The following NTM variants were observed in gnomAD, a reference collection of about 807,000 sequenced individuals.
NTM encodes the protein neurotrimin, also known as IgLON family member 2.
In NTM, 13 loss-of-function variants were observed where a neutral mutation model predicts 42.1. The observed-to-expected ratio is 0.31, with a 90% CI of 0.20 to 0.49. The LOEUF is 0.49. Ranked by LOEUF, NTM falls within the 20% of genes least tolerant of loss-of-function variation. NTM has a pLI of 0.99. For synonymous variants in NTM, 187 were observed against 179.2 expected (o/e 1.04, Z -0.35); for missense variants, 373 against 452.8 (o/e 0.82, Z 1.60).
chr11:132,218,899 G>A (rs2084507976), intron 4 of NTM, among the ~76,000 whole-genome samples: 2 of 152,132 alleles, frequency 1.3e-5, no homozygotes, highest in Admixed American at 1.3e-4. Context: ...TTGAAGGCAG[G>A]TCCAAGGGGA....
intron 2 of NTM, among the ~76,000 whole-genome samples, chr11:132,020,756 C>T (rs1226028209): frequency 1.3e-5 from 2 of 152,110 alleles, no homozygotes; most frequent in African/African-American, 4.8e-5. Context: ...TCACAGCCAT[C>T]TTAAACTTCT....
chr11:132,073,397 G>A (rs2057959771), intron 2 of NTM, among the ~76,000 whole-genome samples: 1 of 152,172 alleles, frequency 6.6e-6, no homozygotes, highest in East Asian at 1.9e-4. Flanking sequence ...TGGTGTAAAT[G>A]TCCCCAGCAG....
chr11:131,781,634 C>A (rs1187744570), intron 1 of NTM, among the ~76,000 whole-genome samples: 1 of 152,264 alleles, frequency 6.6e-6, no homozygotes, highest in East Asian at 1.9e-4. Context: ...AATTTTGCTT[C>A]TGGCAATGAG....
intron 1 of NTM, among the ~76,000 whole-genome samples, chr11:131,722,290 C>T (rs1404952801): frequency 6.6e-6 from 1 of 152,170 alleles, no homozygotes; most frequent in Admixed American, 6.5e-5. Context: ...GACTATTCTG[C>T]ATCTCTAGTC....
At chr11:131,462,603 C>T (rs1951490741) in intron 1 of NTM, among the ~76,000 whole-genome samples, 1 of 152,204 alleles carries the variant, frequency 6.6e-6, no homozygotes, top group Admixed American at 6.5e-5. Flanking sequence ...TTCCCTCTTC[C>T]TTGGTTGAGA....
intron 2 of NTM, among the ~76,000 whole-genome samples, chr11:132,053,282 C>T (rs935795480): frequency 6.6e-6 from 1 of 152,174 alleles, no homozygotes; most frequent in Non-Finnish European, 1.5e-5. Context: ...GAGGCTTACC[C>T]GATGCCAGGG....
intron 2 of NTM, among the ~76,000 whole-genome samples, chr11:132,109,303 T>C (rs894767506): frequency 1.3e-5 from 2 of 152,182 alleles, no homozygotes; most frequent in African/African-American, 4.8e-5. Context: ...AATGAACTAA[T>C]TTACACTCCC....
chr11:132,194,814 C>CTT lies in NTM; in HGVS notation c.401-17185_401-17184dup, dbSNP rs902871492. ...GTACACAAATCAGTAGCATTTCTTC[C>CTT]TTTTTTTTTTTTTTTTTTTTTTTTC... is the stretch of plus-strand genomic sequence containing the variant. On this transcript the variant is annotated intron_variant, in intron 3 of 8. Coordinates refer to ENST00000683400, the MANE Select transcript of NTM (RefSeq NM_001352005.2). Among the ~76,000 whole-genome samples the CTT allele has an allele frequency of 2.5e-3, 273 of 110,640 alleles. 4 individuals carry two copies. The highest frequency in any genetic ancestry group is 6.1e-3 in the Middle Eastern group (1 of 164). 72.6% of individuals were successfully genotyped at this position (110,640 alleles called of 152,430 possible).
intron 1 of NTM, among the ~76,000 whole-genome samples, chr11:131,744,751 T>A (rs60542855): frequency 0.029 from 4,477 of 152,252 alleles, 214 homozygotes; most frequent in African/African-American, 0.1. Context: ...CCCAGTTTAT[T>A]CAGGATGCAG....
At chr11:131,483,856 C>T (rs530950738) in intron 1 of NTM, among the ~76,000 whole-genome samples, 1 of 152,252 alleles carries the variant, frequency 6.6e-6, no homozygotes, top group African/African-American at 2.4e-5. Context: ...AGAGGCAGGA[C>T]AAGGAAGACT....
intron 1 of NTM, among the ~76,000 whole-genome samples, chr11:131,859,708 A>G (rs1447784968): frequency 1.3e-5 from 2 of 152,182 alleles, no homozygotes; most frequent in Non-Finnish European, 2.9e-5. Context: ...CCCATGGTGA[A>G]TGCTAGCTGA....
intron 1 of NTM, among the ~76,000 whole-genome samples, chr11:131,593,186 G>A (rs543338310): frequency 6.6e-6 from 1 of 152,106 alleles, no homozygotes; most frequent in African/African-American, 2.4e-5. Context: ...CCCTCCTGCA[G>A]CCCCCACCCA....
intron 1 of NTM, chr11:131,767,123 T>C: frequency 1.0e-6 from 1 of 982,544 alleles, no homozygotes; most frequent in Non-Finnish European, 1.2e-6. Context: ...AAGTCTCATG[T>C]AAGGATCAAC....
intron 1 of NTM, among the ~76,000 whole-genome samples, chr11:131,733,684 C>G (rs573639401): frequency 1.3e-5 from 2 of 152,016 alleles, no homozygotes; most frequent in Non-Finnish European, 2.9e-5. Context: ...TACAGGCACA[C>G]GCCACTATGC....
chr11:132,092,177 G>A (rs199723655), intron 2 of NTM, among the ~76,000 whole-genome samples: 2 of 152,170 alleles, frequency 1.3e-5, no homozygotes, highest in Middle Eastern at 3.2e-3. Flanking sequence ...GCAATGGAAC[G>A]TGATCAAATC....
At chr11:132,058,254 C>T (rs943906088) in intron 2 of NTM, among the ~76,000 whole-genome samples, 6 of 152,018 alleles carry the variant, frequency 3.9e-5, no homozygotes, top group Admixed American at 1.3e-4. Flanking sequence ...AGGAAGTGGG[C>T]GGGAGGTGCT....
intron 1 of NTM, among the ~76,000 whole-genome samples, chr11:131,826,613 G>GA (rs2042163195): frequency 6.6e-6 from 1 of 151,826 alleles, no homozygotes; most frequent in South Asian, 2.1e-4. Flanking sequence ...AGTGGAAGGT[G>GA]AAAAAAGAAT....
At chr11:131,691,650 G>A (rs888021939) in intron 1 of NTM, among the ~76,000 whole-genome samples, 1 of 152,170 alleles carries the variant, frequency 6.6e-6, no homozygotes, top group Non-Finnish European at 1.5e-5. Flanking sequence ...CCCACAGCGG[G>A]TAAAGATGGC....
At chr11:131,600,907 T>C (rs2060427929) in intron 1 of NTM, among the ~76,000 whole-genome samples, 1 of 152,202 alleles carries the variant, frequency 6.6e-6, no homozygotes, top group Non-Finnish European at 1.5e-5. Flanking sequence ...ACAGTTCCTA[T>C]TTCTGAATAA....
Sources: allele counts gnomAD v4.1 joint callset (sites outside exome capture counted in the v4.1 genomes callset), GRCh38; gene constraint gnomAD v4.1.1; transcripts MANE v1.5; gene names NCBI Gene and HGNC (gene_info 2026-07-23, HGNC 2026-07-21).